Variants in E4F1 observed in about 807,000 individuals in gnomAD.
E4F1 encodes the protein E4F transcription factor 1.
E4F1 carries 30 observed loss-of-function variants against 72.9 expected under a neutral mutation model. That is an observed-to-expected ratio of 0.41 (90% CI 0.31 to 0.56). The LOEUF (loss-of-function observed/expected upper bound fraction) is 0.56. Ranked by LOEUF, E4F1 falls within the 20% of genes least tolerant of loss-of-function variation. E4F1 has a pLI of 0.25. For synonymous variants in E4F1, 542 were observed against 478.2 expected, an observed-to-expected ratio of 1.13 and a Z score of -1.74; for missense variants, 1,091 against 1,117.5, an observed-to-expected ratio of 0.98 and a Z score of 0.34.
intron 7 of E4F1, 42 bp downstream of exon 7, chr16:2,233,225 G>C (rs1279822537): frequency 1.9e-6 from 3 of 1,560,548 alleles, no homozygotes; most frequent in Admixed American, 3.7e-5. Context: ...TCTGTCTTCT[G>C]CCTGCTCGGT....
Position 2,234,601 on chromosome 16 carries a change from T to C in E4F1, c.1612T>C (p.Phe538Leu). The part of the protein sequence containing the change: ...YKTKNAQQVH[F>L]RTHLEEKPHV... ...TCCACAGAACGCACAGCAGGTGCAC[T>C]TCAGGACACACCTGGAGGAGAAGCC... The change falls in exon 11 of 14, where the codon TTC becomes CTC. Residue 538 changes from phenylalanine to leucine, a missense_variant. Physicochemically the swap from Phe to Leu is conservative, Grantham distance 22. Coordinates refer to ENST00000301727, the MANE Select transcript of E4F1 (RefSeq NM_004424.5). 2.5e-6 allele frequency: 4 copies of C among 1,598,104 alleles called. No individual in the cohort carries two copies. The highest frequency in any genetic ancestry group is 3.4e-6 in the Non-Finnish European group (4 of 1,172,954).
rs2093485044 is a variant in E4F1, at chr16:2,233,898, C to G, written c.1283C>G (p.Ala428Gly). ...QPLETQVASE[A>G]SAVPRTHPCP... is the part of the protein sequence containing the mutation. ...GTTCCCCAGCAGGTGGCCAGCGAGG[C>G]CTCAGCGGTGCCCAGGACCCACCCA... Residue 428 changes from alanine (A) to glycine (G), a missense_variant, in exon 9 of 14, where the codon GCC (alanine) becomes GGC (glycine). Ala to Gly is a moderately conservative substitution (Grantham distance 60, BLOSUM62 0). Coordinates refer to ENST00000301727, the MANE Select transcript of E4F1 (RefSeq NM_004424.5). 6.3e-7 allele frequency: 1 copy of G among 1,598,378 alleles called. No individual in the cohort carries two copies. The highest frequency in any genetic ancestry group is 8.5e-7 in the Non-Finnish European group (1 of 1,173,074).
At chr16:2,224,101 C>T (rs1307657086) in intron 1 of E4F1, among the ~76,000 whole-genome samples, 2 of 152,274 alleles carry the variant, frequency 1.3e-5, no homozygotes. Flanking sequence ...CTGGCCCTCC[C>T]CTCCTCTGGG....
At chr16:2,232,084 A>G in intron 3 of E4F1, 87 bp from the exon 4 acceptor site, 2 of 1,538,050 alleles carry the variant, frequency 1.3e-6, no homozygotes, top group East Asian at 2.2e-5. Flanking sequence ...GGCTCAGAGC[A>G]GCAGGTCCCC....
intron 1 of E4F1, 118 bp downstream of exon 1, chr16:2,223,888 C>T (rs1341930453): frequency 6.5e-7 from 1 of 1,532,322 alleles, no homozygotes; most frequent in Non-Finnish European, 8.7e-7. Context: ...AGACACCTCG[C>T]GGATCTCGCG....
chr16:2,234,190 C>T lies in E4F1; in HGVS notation c.1395C>T (p.Cys465=), dbSNP rs756332641. ...RGHTGPRPFA[C]AQCGKAFPKA... is the part of the protein sequence containing the mutation. ...CTGCAGGGCCGAGGCCGTTCGCCTG[C>T]GCGCAGTGTGGCAAGGCCTTCCCCA... The change falls in exon 10 of 14, where the codon TGC becomes TGT. Residue 465 remains cysteine, a synonymous_variant. Coordinates refer to ENST00000301727, the MANE Select transcript of E4F1 (RefSeq NM_004424.5). 20 of 1,612,178 alleles carry T rather than the reference C, an allele frequency of 1.2e-5. No individual in the cohort carries two copies. The highest frequency in any genetic ancestry group is 5.0e-5 in the Admixed American group (3 of 59,974).
At chr16:2,226,527 A>T (rs907408543) in intron 1 of E4F1, among the ~76,000 whole-genome samples, 5 of 152,232 alleles carry the variant, frequency 3.3e-5, no homozygotes, top group African/African-American at 9.6e-5. Context: ...CTCAAATTCA[A>T]CAGTAAACAT....
At chr16:2,234,484 C>A in intron 10 of E4F1, 96 bp downstream of exon 10, 1 of 1,562,826 alleles carries the variant, frequency 6.4e-7, no homozygotes, top group South Asian at 1.1e-5. Context: ...CCACCATGCT[C>A]AGTCTTGACC....
chr16:2,225,690 T>C (rs2093427131), intron 1 of E4F1, among the ~76,000 whole-genome samples: 1 of 150,982 alleles, frequency 6.6e-6, no homozygotes, highest in African/African-American at 2.4e-5. Context: ...CAGGCTGGTC[T>C]TGAACTCCCG....
rs369593675 is a variant in E4F1 at position 2,229,659 on chromosome 16, C to T, written c.399C>T (p.His133=). The change falls in exon 3 of 14, where the codon CAC becomes CAT. Residue 133 remains histidine (H), a synonymous_variant. Coordinates refer to ENST00000301727, the MANE Select transcript of E4F1 (RefSeq NM_004424.5). ...CCTCTCTGGCAGCAGACATCAGCCA[C>T]GCATCTGACCTTGTTGGTAAGCCGA... The part of the protein sequence containing the change: ...EAASLAADIS[H]ASDLVGGGHI... 4.5e-5 allele frequency: 73 copies of T among 1,613,008 alleles called. No homozygotes were observed. Among genetic ancestry groups the T allele is most frequent in the Middle Eastern group, 1.7e-4 (1 of 6,060 alleles).
At position 2,233,834 on chromosome 16, in the gene E4F1, A is replaced by G. The variant is rs935506694; in HGVS notation, c.1267-48A>G. 2.0e-6 allele frequency: 3 copies of G among 1,503,188 alleles called. No individual in the cohort carries two copies. The African/African-American group carries it at 4.2e-5, about 21-fold the overall frequency. 93.1% of individuals were successfully genotyped at this position (1,503,188 alleles called of 1,614,324 possible). ...CCATGGTTGTGTTCTTGGTACTGCC[A>G]GGGCACAGCCTGCCCCGGGTGCTGG... On this transcript the variant is annotated intron_variant, in intron 8 of 13. Transcript: ENST00000301727.
intron 1 of E4F1, among the ~76,000 whole-genome samples, chr16:2,225,630 A>T (rs1467473316): frequency 1.3e-5 from 2 of 150,808 alleles, no homozygotes; most frequent in Non-Finnish European, 3.0e-5. Flanking sequence ...GCGGCATCAC[A>T]CCCGGCTAAT....
Position 2,232,202 on chromosome 16 carries a change from T to A in E4F1, c.447T>A (p.Ala149=). 1 of 1,612,614 alleles carries A rather than the reference T, an allele frequency of 6.2e-7. No individual in the cohort carries two copies. Residue 149 remains alanine, a synonymous_variant, in exon 4 of 14, where the codon GCT becomes GCA. Transcript: ENST00000301727. The stretch of plus-strand genomic sequence containing the variant: ...GGCACATCAAAGAGGTCATCGTGGC[T>A]GCTGAGGCGGAGCTGGGAGACGGTG... ...GGGHIKEVIV[A]AEAELGDGEM...
chr16:2,232,544 G>C lies in E4F1; in HGVS notation c.698G>C (p.Gly233Ala). ...TGTGGGGCCTCCTTCCGCACCAAGG[G>C]CTCACTCATCCGGCACCACCGGCGG... ...KLCGASFRTK[G>A]SLIRHHRRHT... Residue 233 changes from glycine (G) to alanine (A), a missense_variant, in exon 5 of 14, where the codon GGC becomes GCC. Gly to Ala is a moderately conservative substitution (Grantham distance 60, BLOSUM62 0). Coordinates refer to ENST00000301727, the MANE Select transcript of E4F1 (RefSeq NM_004424.5). 6.2e-7 allele frequency: 1 copy of C among 1,612,238 alleles called. No homozygotes were observed.
chr16:2,227,826 C>CT (rs34008168), intron 1 of E4F1, among the ~76,000 whole-genome samples: 46,716 of 132,902 alleles, frequency 0.35, 8,989 homozygotes, highest in East Asian at 0.5. Flanking sequence ...GTTTTAAAAA[C>CT]TTTTTTTTTT....
intron 1 of E4F1, among the ~76,000 whole-genome samples, chr16:2,225,989 A>T (rs925686482): frequency 1.3e-5 from 2 of 151,704 alleles, no homozygotes; most frequent in African/African-American, 2.4e-5. Flanking sequence ...GCTTCTCAGG[A>T]GGCTGAGGCA....
rs780172664 is a variant in E4F1 at position 2,228,469 on chromosome 16, C to T, written c.255C>T (p.Ala85=). Residue 85 remains alanine (A), a synonymous_variant, in exon 2 of 14, where the codon GCC becomes GCT. Coordinates refer to ENST00000301727, the MANE Select transcript of E4F1 (RefSeq NM_004424.5). ...QHKIQKACQR[A]PPEALPATPA... ...AGATTCAGAAGGCCTGCCAGCGGGC[C>T]CCTCCGGAGGCCCTGCCTGCCACCC... 5.6e-6 allele frequency: 9 copies of T among 1,613,014 alleles called. No individual in the cohort carries two copies. Among genetic ancestry groups the T allele is most frequent in the Non-Finnish European group, 6.8e-6 (8 of 1,179,986 alleles).
In E4F1 at chr16:2,223,703, TGCGGCGGTG is replaced by T; in HGVS notation, c.98_106del (p.Val33_Ala35del). On this transcript the variant is annotated inframe_deletion, in exon 1 of 14. Transcript: ENST00000301727. ...GGCGGGAAGCGGGCGAGGGTGCAGTTGCGGCGGTGGCGGCGGCCTTGGCCCCCAGCGGCT... is the reference window on the plus strand; with the variant it reads ...GGCGGGAAGCGGGCGAGGGTGCAGTTGCGGCGGCCTTGGCCCCCAGCGGCT... 1 of 1,566,780 alleles carries T rather than the reference TGCGGCGGTG, an allele frequency of 6.4e-7. No individual in the cohort carries two copies. Among genetic ancestry groups the T allele is most frequent in the Non-Finnish European group, 8.6e-7 (1 of 1,166,394 alleles).
chr16:2,233,262 C>T, intron 7 of E4F1, 79 bp downstream of exon 7: 1 of 1,517,842 alleles, frequency 6.6e-7, no homozygotes, highest in Non-Finnish European at 8.8e-7. Flanking sequence ...GGCACTGGCT[C>T]CAGGGGTCTG....
Sources: gnomAD v4.1 joint callset for allele counts (sites outside exome capture counted in the v4.1 genomes callset) on GRCh38, gnomAD v4.1.1 for gene constraint, MANE v1.5 for transcripts, NCBI Gene and HGNC (gene_info 2026-07-23, HGNC 2026-07-21) for gene names.